Variants in ZNF225 observed in about 807,000 individuals in gnomAD.
ZNF225 encodes the protein zinc finger protein 225.
Under a neutral mutation model 12.0 loss-of-function variants are expected in ZNF225, and 6 were observed. That is an observed-to-expected ratio of 0.50 (90% CI 0.27 to 0.98). ZNF225 has a LOEUF of 0.98. Ranked by LOEUF, ZNF225 falls within the 50% of genes least tolerant of loss-of-function variation. The pLI is 0.11. For missense variants in ZNF225, 763 were observed against 848.2 expected (o/e 0.90, Z 1.25); for synonymous variants, 271 against 283.2 (o/e 0.96, Z 0.43).
intron 2 of ZNF225, 45 bp from the exon 3 acceptor site, chr19:44,118,143 A>C: frequency 6.3e-7 from 1 of 1,583,766 alleles, no homozygotes; most frequent in Non-Finnish European, 8.6e-7. Flanking sequence ...CTCTCTCAGT[A>C]GTCATTGGTC....
chr19:44,133,874 C>G lies in ZNF225; in HGVS notation c.*1139C>G, dbSNP rs1968337875. The G allele has an allele frequency of 7.1e-6, 1 of 140,668 alleles. No individual in the cohort carries two copies. The highest frequency in any genetic ancestry group is 2.9e-5 in the African/African-American group (1 of 34,776). The allele number at this position is 140,668 out of a possible 1,614,324, so 8.7% of individuals were successfully genotyped here. A position where few individuals can be genotyped will look rare whatever the true frequency, so the allele number is the denominator to read the frequency against. ...GATTTGATTTTTATAATCAAATCTA[C>G]TAGAGATAGATTTGATTTTTATAAT... On this transcript the variant is annotated 3_prime_UTR_variant, in exon 5 of 5. Transcript: ENST00000262894.
intron 2 of ZNF225, among the ~76,000 whole-genome samples, chr19:44,117,312 C>T (rs1967960445): frequency 6.6e-6 from 1 of 152,202 alleles, no homozygotes; most frequent in Non-Finnish European, 1.5e-5. Context: ...TTTAGGCACA[C>T]TGTCTGCAGA....
chr19:44,130,883 C>A lies in ZNF225; in HGVS notation c.269C>A (p.Ser90Ter), dbSNP rs888944504. 1.9e-6 allele frequency: 3 copies of A among 1,613,170 alleles called. No individual in the cohort carries two copies. The highest frequency in any genetic ancestry group is 1.7e-5 in the Admixed American group (1 of 59,898). Residue 90 changes from serine to a stop codon, truncating the protein, a stop_gained, in exon 5 of 5, where the codon TCA becomes TAA. Coordinates refer to ENST00000262894, the MANE Select transcript of ZNF225 (RefSeq NM_013362.4). LOFTEE classifies it low-confidence loss of function (END_TRUNC). Reference sequence around the variant, plus strand: ...ATCCAAATGGAGATGGAGACTGTTTCAGAATCAGGAACACATGAAGGCTTG... The same window carrying A: ...ATCCAAATGGAGATGGAGACTGTTTAAGAATCAGGAACACATGAAGGCTTG... ...GKIQMEMETV[S>*]ESGTHEGLFS...
At position 44,118,527 on chromosome 19, in the gene ZNF225, A is replaced by G. The variant is rs76696522; in HGVS notation, c.188A>G (p.Glu63Gly). Residue 63 changes from glutamate (E) to glycine (G), a missense_variant, in exon 4 of 5, where the codon GAA (glutamate) becomes GGA (glycine). Coordinates refer to ENST00000262894, the MANE Select transcript of ZNF225 (RefSeq NM_013362.4). The part of the protein sequence containing the change: ...HRDTFHFLKE[E>G]KFWMMETATQ... ...GATACTTTCCACTTCCTAAAGGAAG[A>G]AAAGTTTTGGATGATGGAGACAGCA... 1.3e-3 allele frequency: 2,081 copies of G among 1,613,576 alleles called. 21 individuals are homozygous for G. In the African/African-American group the frequency reaches 0.024, roughly 18 times the overall value.
chr19:44,123,093 TC>T, intron 4 of ZNF225, among the ~76,000 whole-genome samples: 1 of 152,304 alleles, frequency 6.6e-6, no homozygotes, highest in Non-Finnish European at 1.5e-5. Flanking sequence ...GGGAATGCTT[TC>T]AACTTTTCCC....
chr19:44,118,880 A>G (rs868237963), intron 4 of ZNF225, among the ~76,000 whole-genome samples: 6 of 150,272 alleles, frequency 4.0e-5, no homozygotes, highest in Admixed American at 2.0e-4. Flanking sequence ...GCAGTGGTGC[A>G]ATCTCGGCTC....
At chr19:44,118,144 G>A in intron 2 of ZNF225, 44 bp from the exon 3 acceptor site, 2 of 1,585,360 alleles carry the variant, frequency 1.3e-6, no homozygotes, top group East Asian at 4.5e-5. Flanking sequence ...TCTCTCAGTA[G>A]TCATTGGTCA....
Position 44,132,910 on chromosome 19 carries a change from T to C in ZNF225, c.*175T>C. ...TTGAAAATAATACGTTGTTAATTAC[T>C]GTCACCCTGTAGTGGTGTAAAACAC... On this transcript the variant is annotated 3_prime_UTR_variant, in exon 5 of 5. Coordinates refer to ENST00000262894, the MANE Select transcript of ZNF225 (RefSeq NM_013362.4). 1 of 588,654 alleles carries C rather than the reference T, an allele frequency of 1.7e-6. No homozygotes were observed. Among genetic ancestry groups the C allele is most frequent in the Non-Finnish European group, 2.8e-6 (1 of 355,436 alleles). 36.5% of individuals were successfully genotyped at this position (588,654 alleles called of 1,614,324 possible). A position where few individuals can be genotyped will look rare whatever the true frequency, so the allele number is the denominator to read the frequency against.
At chr19:44,111,430 C>T (rs1967828535), upstream of ZNF225, among the ~76,000 whole-genome samples, 1 of 152,168 alleles carries the variant, frequency 6.6e-6, no homozygotes, top group African/African-American at 2.4e-5. Flanking sequence ...GCGAAACTCC[C>T]TCTCAAAACA....
In ZNF225 at chr19:44,132,043, A is replaced by C. The variant is rs868438538; in HGVS notation, c.1429A>C (p.Ile477Leu). 1.2e-5 allele frequency: 19 copies of C among 1,611,990 alleles called. No homozygotes were observed. The highest frequency in any genetic ancestry group is 1.6e-5 in the Non-Finnish European group (19 of 1,179,492). Residue 477 changes from isoleucine (I) to leucine (L), a missense_variant, in exon 5 of 5, where the codon ATC becomes CTC. Coordinates refer to ENST00000262894, the MANE Select transcript of ZNF225 (RefSeq NM_013362.4). Reference protein sequence around the residue: ...WASCLLNHQRIHSGEKPFKCE... With the variant: ...WASCLLNHQRLHSGEKPFKCE... ...CTCGTGTCTTTTGAATCATCAGAGA[A>C]TCCACAGTGGAGAAAAACCATTTAA...
intron 4 of ZNF225, among the ~76,000 whole-genome samples, chr19:44,123,685 T>C (rs896690140): frequency 6.6e-6 from 1 of 152,206 alleles, no homozygotes; most frequent in Non-Finnish European, 1.5e-5. Flanking sequence ...TATTGGTCTG[T>C]TCAGGATATC....
At chr19:44,117,565 G>A (rs924405537) in intron 2 of ZNF225, among the ~76,000 whole-genome samples, 3 of 152,198 alleles carry the variant, frequency 2.0e-5, no homozygotes, top group South Asian at 4.1e-4. Flanking sequence ...ACCTATATAC[G>A]TGCAGCCCAG....
At position 44,130,876 on chromosome 19, in the gene ZNF225, A is replaced by G. The variant is rs555744358; in HGVS notation, c.262A>G (p.Thr88Ala). The G allele has an allele frequency of 3.1e-6, 5 of 1,612,928 alleles. No individual in the cohort carries two copies. The South Asian group carries it at 5.5e-5, about 18-fold the overall frequency. Reference protein sequence around the residue: ...LGGKIQMEMETVSESGTHEGL... With the variant: ...LGGKIQMEMEAVSESGTHEGL... ...AGGCAAGATCCAAATGGAGATGGAG[A>G]CTGTTTCAGAATCAGGAACACATGA... Residue 88 changes from threonine to alanine, a missense_variant, in exon 5 of 5, where the codon ACT (threonine) becomes GCT (alanine). Thr to Ala is a moderately conservative substitution (Grantham distance 58, BLOSUM62 0). Transcript: ENST00000262894.
chr19:44,124,977 G>A (rs1205958727), intron 4 of ZNF225, among the ~76,000 whole-genome samples: 1 of 152,154 alleles, frequency 6.6e-6, no homozygotes, highest in African/African-American at 2.4e-5. Context: ...CTGCAGTTCT[G>A]TATCTTTTAA....
rs1242117812 is a variant in ZNF225 at position 44,131,870 on chromosome 19, A to G, written c.1256A>G (p.Gln419Arg). ...FYTNSQRYSH[Q>R]RAHSGEKPYR... ...ACAAATTCACAACGTTATTCTCACC[A>G]GAGAGCGCACAGTGGAGAAAAGCCA... is the stretch of plus-strand genomic sequence containing the variant. The change falls in exon 5 of 5, where the codon CAG becomes CGG. Residue 419 changes from glutamine to arginine, a missense_variant. Physicochemically the swap from Gln to Arg is conservative, Grantham distance 43. Transcript: ENST00000262894. 5.0e-6 allele frequency: 8 copies of G among 1,614,018 alleles called. No homozygotes were observed. The highest frequency in any genetic ancestry group is 6.8e-6 in the Non-Finnish European group (8 of 1,180,038).
chr19:44,115,971 C>T (rs1967934686), intron 2 of ZNF225, 129 bp downstream of exon 2: 1 of 872,534 alleles, frequency 1.1e-6, no homozygotes, highest in African/African-American at 1.7e-5. Context: ...AAGTGATTCT[C>T]CTGCTTCAGC....
chr19:44,130,735 A>G (rs969143419), intron 4 of ZNF225, 115 bp from the exon 5 acceptor site: 4 of 620,528 alleles, frequency 6.4e-6, no homozygotes, highest in South Asian at 5.1e-5. Flanking sequence ...GGAAAATACA[A>G]TCTGAACATT....
At chr19:44,119,871 A>G (rs1968017623) in intron 4 of ZNF225, among the ~76,000 whole-genome samples, 1 of 152,184 alleles carries the variant, frequency 6.6e-6, no homozygotes, top group African/African-American at 2.4e-5. Context: ...TCCTTTAAGC[A>G]TATTCAAGTC....
chr19:44,113,941 G>C (rs1450066455), intron 1 of ZNF225: 2 of 256,078 alleles, frequency 7.8e-6, no homozygotes, highest in African/African-American at 4.6e-5. Context: ...CACGAAGCCT[G>C]TCAGGTCCCC....
Sources: gnomAD v4.1 joint callset for allele counts (sites outside exome capture counted in the v4.1 genomes callset) on GRCh38, gnomAD v4.1.1 for gene constraint, MANE v1.5 for transcripts, NCBI Gene and HGNC (gene_info 2026-07-23, HGNC 2026-07-21) for gene names.